KCNT1: variants seen among roughly 807,000 people sequenced by gnomAD.
KCNT1 encodes potassium sodium-activated channel subfamily T member 1.
Under a neutral mutation model 147.8 loss-of-function variants are expected in KCNT1, and 78 were observed. That is an observed-to-expected ratio of 0.53 (90% CI 0.44 to 0.64). The LOEUF is 0.64. Ranked by LOEUF, KCNT1 falls within the 30% of genes least tolerant of loss-of-function variation. The pLI, the probability that KCNT1 is intolerant of heterozygous loss-of-function variation, is 0.00. For missense variants in KCNT1, 1,419 were observed against 1,750.3 expected, an observed-to-expected ratio of 0.81 and a Z score of 3.38; for synonymous variants, 867 against 748.8, an observed-to-expected ratio of 1.16 and a Z score of -2.58.
At position 135,791,853 on chromosome 9, in the gene KCNT1, G is replaced by A. The variant is rs142875411; in HGVS notation, c.3559G>A (p.Asp1187Asn). ...LSYVLINPPP[D>N]TRLEPSDIVY... ...CTACGTCCTCATCAACCCTCCGCCCGACACGAGGCTGGAGCCCAGTGACAT... is the reference window on the plus strand; with the variant it reads ...CTACGTCCTCATCAACCCTCCGCCCAACACGAGGCTGGAGCCCAGTGACAT... The change falls in exon 30 of 31, where the codon GAC (aspartate) becomes AAC (asparagine). Residue 1187 changes from aspartate to asparagine, a missense_variant. Physicochemically the swap from Asp to Asn is conservative, Grantham distance 23. This residue lies in a region of KCNT1 where 306 missense variants were observed against 294.2 expected (regional missense o/e 1.04). Transcript: ENST00000371757. 1.6e-5 allele frequency: 26 copies of A among 1,613,784 alleles called. No homozygotes were observed. The highest frequency in any genetic ancestry group is 8.8e-5 in the South Asian group (8 of 91,056).
intron 10 of KCNT1, among the ~76,000 whole-genome samples, chr9:135,758,710 C>A (rs951657151): frequency 3.9e-5 from 6 of 152,224 alleles, no homozygotes; most frequent in Non-Finnish European, 8.8e-5. Flanking sequence ...AGTACACGAG[C>A]AGCCCTGCAG....
In KCNT1 at chr9:135,770,451, A is replaced by G; in HGVS notation, c.1769+4A>G. ...CGGCCTTCCACGCCCACAAGAAGTA[A>G]GGCCGGGCTGCATCCACAGGGCTGG... On this transcript the variant is annotated splice_donor_region_variant and intron_variant, in intron 17 of 30. Transcript: ENST00000371757. 1 of 1,608,754 alleles carries G rather than the reference A, an allele frequency of 6.2e-7. No homozygotes were observed. The highest frequency in any genetic ancestry group is 8.5e-7 in the Non-Finnish European group (1 of 1,177,540).
At chr9:135,786,042 G>C in intron 28 of KCNT1, 155 bp from the exon 29 acceptor site, 1 of 641,472 alleles carries the variant, frequency 1.6e-6, no homozygotes. Context: ...TGCACCCTGG[G>C]GTCTGTCGTC....
At chr9:135,769,305 G>A (rs1034719314) in intron 15 of KCNT1, among the ~76,000 whole-genome samples, 3 of 151,970 alleles carry the variant, frequency 2.0e-5, no homozygotes, top group African/African-American at 7.3e-5. Flanking sequence ...CAGGGCGCGT[G>A]TGCACACGTG....
rs548360168 is a variant in KCNT1, at chr9:135,771,112, G to A, written c.2008+17G>A. Reference sequence around the variant, plus strand: ...CCTCCATGGGTGAGCCGGGACAGGCGCGCGGGACTCCCTGGGCCTGCTCCT... The same window carrying A: ...CCTCCATGGGTGAGCCGGGACAGGCACGCGGGACTCCCTGGGCCTGCTCCT... On this transcript the variant is annotated intron_variant, in intron 18 of 30. Transcript: ENST00000371757. 1.8e-5 allele frequency: 29 copies of A among 1,598,494 alleles called. No individual in the cohort carries two copies. The highest frequency in any genetic ancestry group is 2.3e-5 in the Non-Finnish European group (27 of 1,170,638).
chr9:135,774,472 G>A (rs368527990), intron 19 of KCNT1, among the ~76,000 whole-genome samples: 18 of 150,328 alleles, frequency 1.2e-4, no homozygotes, highest in African/African-American at 3.9e-4. Context: ...GTGTCCGTGT[G>A]TGGTACGTGT....
In KCNT1 at chr9:135,706,281, G is replaced by A. The variant is rs1420560941; in HGVS notation, c.110+3913G>A. Among the ~76,000 whole-genome samples, 14 of 152,224 alleles carry A rather than the reference G, an allele frequency of 9.2e-5. 1 individual carries two copies. Among genetic ancestry groups the A allele is most frequent in the African/African-American group, 2.7e-4 (11 of 41,450 alleles). ...AGCCAGTTCGTCTTTGCCTTGTCACGCACCAGCCTGTGTTGACACGTCAGA... is the reference window on the plus strand; with the variant it reads ...AGCCAGTTCGTCTTTGCCTTGTCACACACCAGCCTGTGTTGACACGTCAGA... On this transcript the variant is annotated intron_variant, in intron 1 of 30. Transcript: ENST00000371757.
At chr9:135,718,857 G>C (rs1835817634) in intron 2 of KCNT1, among the ~76,000 whole-genome samples, 1 of 152,250 alleles carries the variant, frequency 6.6e-6, no homozygotes. Context: ...GGACAGAGAA[G>C]AGCTCGGCGG....
intron 28 of KCNT1, 22 bp from the exon 29 acceptor site, chr9:135,786,175 T>TGCCC: frequency 1.6e-6 from 1 of 643,628 alleles, no homozygotes; most frequent in Non-Finnish European, 2.2e-6. Flanking sequence ...CTCCCCGCCC[T>TGCCC]GCCCTGCCCT....
At chr9:135,727,454 CTT>C (rs1264939642) in intron 2 of KCNT1, among the ~76,000 whole-genome samples, 3 of 147,756 alleles carry the variant, frequency 2.0e-5, no homozygotes, top group Admixed American at 1.4e-4. Flanking sequence ...CTCTCTCTCT[CTT>C]TCTCTCTCTC....
intron 2 of KCNT1, among the ~76,000 whole-genome samples, chr9:135,741,137 G>T (rs1050808461): frequency 6.6e-6 from 1 of 152,212 alleles, no homozygotes; most frequent in Non-Finnish European, 1.5e-5. Flanking sequence ...TGGGCCTCAG[G>T]CTGTGGGACA....
At chr9:135,756,340 T>G (rs1831479047) in intron 6 of KCNT1, among the ~76,000 whole-genome samples, 1 of 152,108 alleles carries the variant, frequency 6.6e-6, no homozygotes, top group Non-Finnish European at 1.5e-5. Flanking sequence ...GTCCTTGCTG[T>G]TTTCCTGGGG....
In KCNT1 at chr9:135,792,181, C is replaced by A; in HGVS notation, c.*20C>A. 6.3e-7 allele frequency: 1 copy of A among 1,599,456 alleles called. No homozygotes were observed. The highest frequency in any genetic ancestry group is 8.5e-7 in the Non-Finnish European group (1 of 1,176,730). On this transcript the variant is annotated 3_prime_UTR_variant, in exon 31 of 31. Transcript: ENST00000371757. Reference sequence around the variant, plus strand: ...CTCTGAGCCAGCCCTGCACGGAGCTCAGGCCACCAAGCCCGGGGTCCTCAG... The same window carrying A: ...CTCTGAGCCAGCCCTGCACGGAGCTAAGGCCACCAAGCCCGGGGTCCTCAG...
intron 1 of KCNT1, among the ~76,000 whole-genome samples, chr9:135,706,610 G>A (rs939794933): frequency 1.3e-5 from 2 of 152,220 alleles, no homozygotes; most frequent in African/African-American, 4.8e-5. Context: ...CCACTCTGGG[G>A]CACTCCACAA....
At chr9:135,777,193 T>C (rs1833229735) in intron 20 of KCNT1, 145 bp from the exon 21 acceptor site, 1 of 791,174 alleles carries the variant, frequency 1.3e-6, no homozygotes, top group African/African-American at 1.7e-5. Context: ...CCCACAGGCG[T>C]GTGCAGGCCG....
chr9:135,744,624 C>T (rs952059793), intron 2 of KCNT1, among the ~76,000 whole-genome samples: 4 of 152,232 alleles, frequency 2.6e-5, no homozygotes, highest in Admixed American at 2.6e-4. Flanking sequence ...GGGCTTCAGC[C>T]GTGTAGGGAC....
At chr9:135,750,686 A>ATCTCG in intron 3 of KCNT1, 1 of 568,238 alleles carries the variant, frequency 1.8e-6, no homozygotes, top group Non-Finnish European at 3.1e-6. Context: ...CAAGAAGTGG[A>ATCTCG]GTGGCCTCTA....
intron 29 of KCNT1, chr9:135,788,206 C>T (rs376897727): frequency 1.9e-5 from 29 of 1,526,614 alleles, no homozygotes; most frequent in African/African-American, 2.7e-5. Context: ...CAACGGGGCT[C>T]GCCAACCCTT....
intron 15 of KCNT1, among the ~76,000 whole-genome samples, chr9:135,769,625 C>G (rs1182193551): frequency 6.6e-6 from 1 of 152,114 alleles, no homozygotes; most frequent in Non-Finnish European, 1.5e-5. Flanking sequence ...GGGGGCAGGC[C>G]CCATGCCAGG....
Sources: gnomAD v4.1 joint callset for allele counts (sites outside exome capture counted in the v4.1 genomes callset) on GRCh38, gnomAD v4.1.1 for gene constraint, gnomAD v4.1.1 regional missense constraint, MANE v1.5 for transcripts, NCBI Gene and HGNC (gene_info 2026-07-23, HGNC 2026-07-21) for gene names.